The following PFKFB2 variants were observed in gnomAD, a reference collection of about 807,000 sequenced individuals.
PFKFB2 encodes 6-phosphofructo-2-kinase/fructose-2,6-biphosphatase 2.
PFKFB2 carries 53 observed loss-of-function variants against 68.0 expected under a neutral mutation model. The ratio of observed to expected loss-of-function variants is 0.78; its 90% CI spans 0.63 to 0.98. The LOEUF is 0.98. Among genes scored for constraint, PFKFB2 ranks in the 50% least tolerant of loss-of-function variants. The pLI, the probability that PFKFB2 is intolerant of heterozygous loss-of-function variation, is 0.00. For synonymous variants in PFKFB2, 222 were observed against 227.6 expected (o/e 0.98, Z 0.22); for missense variants, 451 against 642.0 (o/e 0.70, Z 3.22).
At chr1:207,062,861 T>G (rs1683157948) in intron 4 of PFKFB2, 145 bp downstream of exon 4, 1 of 827,894 alleles carries the variant, frequency 1.2e-6, no homozygotes, top group Non-Finnish European at 1.9e-6. Context: ...GACCTTGGGC[T>G]TGGGTGGTCA....
At chr1:207,061,825 T>G in intron 2 of PFKFB2, 128 bp from the exon 3 acceptor site, 86 of 755,802 alleles carry the variant, frequency 1.1e-4, no homozygotes, top group East Asian at 1.3e-4. Flanking sequence ...GAGGTTGCAA[T>G]GAGCTGAGAT....
At chr1:207,079,359 C>G (rs747489129), downstream of PFKFB2, 1 of 326,768 alleles carries the variant, frequency 3.1e-6, no homozygotes, top group Admixed American at 4.5e-5. Flanking sequence ...CCTTTGCTGG[C>G]TCTTTTTTGC....
chr1:207,040,923 A>AT (rs397862660), intron 1 of PFKFB2, among the ~76,000 whole-genome samples: 44,351 of 117,362 alleles, frequency 0.38, 9,302 homozygotes, highest in Middle Eastern at 0.47. Context: ...TTTAAAACAG[A>AT]TTTTTTTTTT....
At chr1:207,043,371 A>C (rs1282863671) in intron 2 of PFKFB2, among the ~76,000 whole-genome samples, 1 of 152,216 alleles carries the variant, frequency 6.6e-6, no homozygotes, top group African/African-American at 2.4e-5. Context: ...GCTTTCAATG[A>C]GAAAGAATGG....
Position 207,067,522 on chromosome 1 carries a change from T to TA in PFKFB2, c.659dup (p.Asn220LysfsTer52). 1 of 1,613,918 alleles carries TA rather than the reference T, an allele frequency of 6.2e-7. No individual in the cohort carries two copies. Among genetic ancestry groups the TA allele is most frequent in the Non-Finnish European group, 8.5e-7 (1 of 1,179,852 alleles). On this transcript the variant is annotated frameshift_variant, in exon 9 of 15. Transcript: ENST00000367080. LOFTEE classifies it high-confidence loss of function. ...AGGGATCTTTCTTTCATCAAGGTGA[T>TA]AAACGTGGGCCAGCGATTTTTAGTC...
At chr1:207,049,912 A>C (rs1458148588), upstream of PFKFB2, among the ~76,000 whole-genome samples, 2 of 152,248 alleles carry the variant, frequency 1.3e-5, no homozygotes, top group Non-Finnish European at 2.9e-5. Flanking sequence ...AAGATGAAAA[A>C]AGAACAAAAA....
chr1:207,038,053 A>G (rs1285039566), intron 1 of PFKFB2, among the ~76,000 whole-genome samples: 1 of 152,130 alleles, frequency 6.6e-6, no homozygotes. Context: ...GCCCTCTTCA[A>G]TCTCTTCTCC....
chr1:207,071,540 G>A lies in PFKFB2; in HGVS notation c.1317G>A (p.Val439=). 2.5e-6 allele frequency: 4 copies of A among 1,613,860 alleles called. No homozygotes were observed. Among genetic ancestry groups the A allele is most frequent in the Non-Finnish European group, 3.4e-6 (4 of 1,179,776 alleles). The change falls in exon 14 of 15, where the codon GTG becomes GTA. Residue 439 remains valine, a synonymous_variant. Coordinates refer to ENST00000367080, the MANE Select transcript of PFKFB2 (RefSeq NM_006212.2). The part of the protein sequence containing the change: ...GCKVETIKLN[V]EAVNTHRDKP... The stretch of plus-strand genomic sequence containing the variant: ...AAGTGGAAACAATTAAACTTAACGT[G>A]GAGGCTGTGAACACGCACCGTGACA...
rs1230754698 is a variant in PFKFB2 at position 207,069,511 on chromosome 1, C to T, written c.1075C>T (p.Arg359Ter). Residue 359 changes from arginine (R) to a stop codon, truncating the protein, a stop_gained, in exon 11 of 15, where the codon CGA becomes TGA. Coordinates refer to ENST00000367080, the MANE Select transcript of PFKFB2 (RefSeq NM_006212.2). LOFTEE classifies it high-confidence loss of function. ...ALRDQEKYLY[R>*]YPGGESYQDL... is the part of the protein sequence containing the mutation. The stretch of plus-strand genomic sequence containing the variant: ...TCGAGATCAAGAGAAGTATCTGTAT[C>T]GATATCCTGGTGGGGAGGTAAGACG... The T allele has an allele frequency of 3.1e-6, 5 of 1,611,528 alleles. No homozygotes were observed. The highest frequency in any genetic ancestry group is 1.7e-5 in the Admixed American group (1 of 59,996).
chr1:207,070,607 T>A lies in PFKFB2; in HGVS notation c.1222+198T>A. On this transcript the variant is annotated intron_variant, in intron 12 of 14. Transcript: ENST00000367080. The surrounding 1 kb of genome is among the most constrained non-coding windows in gnomAD (Gnocchi z 4.2). The stretch of plus-strand genomic sequence containing the variant: ...ACTCTGCTGCTACGAAAGCTTCCAA[T>A]GGAGAGTGGCTGCTGCTGGTGCTCC... 1 of 550,010 alleles carries A rather than the reference T, an allele frequency of 1.8e-6. No individual in the cohort carries two copies. The highest frequency in any genetic ancestry group is 3.2e-6 in the Non-Finnish European group (1 of 315,040). The allele number at this position is 550,010 out of a possible 1,614,324, so 34.1% of individuals were successfully genotyped here. A position where few individuals can be genotyped will look rare whatever the true frequency, so the allele number is the denominator to read the frequency against.
At chr1:207,036,501 T>G (rs905216735) in intron 1 of PFKFB2, among the ~76,000 whole-genome samples, 1 of 152,236 alleles carries the variant, frequency 6.6e-6, no homozygotes, top group African/African-American at 2.4e-5. Context: ...GGATTTCCCA[T>G]TTTCTGAGAC....
chr1:207,049,586 G>A (rs776582412), upstream of PFKFB2: 4 of 1,614,082 alleles, frequency 2.5e-6, no homozygotes. Context: ...CTAGTAAAGA[G>A]GCAAGAGTTG....
Position 207,069,424 on chromosome 1 carries a change from G to GGT in PFKFB2, c.996_997dup (p.Glu333ValfsTer4). ...GCCAGCTTCAAGTGGCTTTTTGCAGGGTGTGTGTGAAGAGATGACCTATGC... is the reference window on the plus strand; with the variant it reads ...GCCAGCTTCAAGTGGCTTTTTGCAGGGTGTGTGTGTGAAGAGATGACCTATGC... On this transcript the variant is annotated frameshift_variant and splice_region_variant, in exon 11 of 15. Transcript: ENST00000367080. LOFTEE classifies it high-confidence loss of function. The GGT allele has an allele frequency of 6.2e-7, 1 of 1,611,222 alleles. No individual in the cohort carries two copies. The highest frequency in any genetic ancestry group is 1.1e-5 in the South Asian group (1 of 90,962).
At chr1:207,060,132 G>A (rs1683043951) in intron 2 of PFKFB2, among the ~76,000 whole-genome samples, 1 of 152,208 alleles carries the variant, frequency 6.6e-6, no homozygotes, top group Non-Finnish European at 1.5e-5. Flanking sequence ...GCAGCAAGAT[G>A]GGCCGGGAGG....
chr1:207,034,907 G>T (rs1230521475), intron 1 of PFKFB2: 2 of 152,460 alleles, frequency 1.3e-5, no homozygotes, highest in African/African-American at 4.8e-5. Flanking sequence ...GTTTTCCCTG[G>T]AATTCATATT....
At chr1:207,044,343 A>C (rs1406970687) in intron 2 of PFKFB2, 1 of 152,572 alleles carries the variant, frequency 6.6e-6, no homozygotes, top group Non-Finnish European at 1.5e-5. Flanking sequence ...TATTTCCTGT[A>C]AACAGCTGGA....
Position 207,077,344 on chromosome 1 carries a change from G to C in PFKFB2, c.*4973G>C. On this transcript the variant is annotated 3_prime_UTR_variant, in exon 15 of 15. Coordinates refer to ENST00000367080, the MANE Select transcript of PFKFB2 (RefSeq NM_006212.2). ...TTGGCATTTAAAAATTGATTTTAAG[G>C]GTTGGCAAAAGTATTTTTTCCAGTA... The C allele has an allele frequency of 2.0e-6, 2 of 984,964 alleles. No homozygotes were observed. The highest frequency in any genetic ancestry group is 2.4e-6 in the Non-Finnish European group (2 of 829,550). The allele number at this position is 984,964 out of a possible 1,614,324, so 61.0% of individuals were successfully genotyped here. A position where few individuals can be genotyped will look rare whatever the true frequency, so the allele number is the denominator to read the frequency against.
rs1054294265 is a variant in PFKFB2 at position 207,076,332 on chromosome 1, A to G, written c.*3961A>G. 1.0e-6 allele frequency: 1 copy of G among 984,946 alleles called. No individual in the cohort carries two copies. 61.0% of individuals were successfully genotyped at this position (984,946 alleles called of 1,614,324 possible). A position where few individuals can be genotyped will look rare whatever the true frequency, so the allele number is the denominator to read the frequency against. ...GTTGGAGTGGCCAATGGGCACGGGA[A>G]AAAGTATCCAGTAATCAGAAGAATT... On this transcript the variant is annotated 3_prime_UTR_variant, in exon 15 of 15. Transcript: ENST00000367080.
upstream of PFKFB2, chr1:207,050,613 A>G: frequency 1.3e-6 from 2 of 1,586,410 alleles, no homozygotes; most frequent in East Asian, 2.3e-5. Flanking sequence ...CCTTGCCTTG[A>G]CTGGTGTTTT....
Sources: gnomAD v4.1 joint callset for allele counts (sites outside exome capture counted in the v4.1 genomes callset) on GRCh38, gnomAD v4.1.1 for gene constraint, Gnocchi (gnomAD v3.1) non-coding constraint, MANE v1.5 for transcripts, NCBI Gene and HGNC (gene_info 2026-07-23, HGNC 2026-07-21) for gene names.